Variants in BICD1 observed in about 807,000 individuals in gnomAD.
BICD1 encodes the protein BICD cargo adaptor 1, also known as protein bicaudal D homolog 1.
A neutral mutation model predicts 92.5 loss-of-function variants in BICD1; 35 were observed. That is an observed-to-expected ratio of 0.38 (90% CI 0.29 to 0.50). The LOEUF (loss-of-function observed/expected upper bound fraction) is 0.50, where lower values mean the gene tolerates loss of function less well. BICD1 is among the 20% of genes least tolerant of loss of function. The pLI is 0.93. For missense variants in BICD1, 950 were observed against 1,189.8 expected, an observed-to-expected ratio of 0.80 and a Z score of 2.97; for synonymous variants, 429 against 465.1, an observed-to-expected ratio of 0.92 and a Z score of 1.00.
At chr12:32,226,029 A>G (rs1945677932) in intron 2 of BICD1, among the ~76,000 whole-genome samples, 1 of 152,202 alleles carries the variant, frequency 6.6e-6, no homozygotes, top group South Asian at 2.1e-4. Flanking sequence ...ACATCTTTTC[A>G]TGTGCTTGTT....
At chr12:32,208,875 A>T (rs1363844862) in intron 1 of BICD1, among the ~76,000 whole-genome samples, 1 of 151,860 alleles carries the variant, frequency 6.6e-6, no homozygotes, top group Non-Finnish European at 1.5e-5. Context: ...CCCAGGCTGC[A>T]GTGCAGTGGT....
chr12:32,367,499 G>T (rs1939568007), intron 8 of BICD1, 171 bp from the exon 9 acceptor site: 6 of 517,310 alleles, frequency 1.2e-5, no homozygotes, highest in Admixed American at 3.4e-5. Flanking sequence ...AAAAAAGCCT[G>T]TCTTTTCTAT....
In BICD1 at chr12:32,305,992, C is replaced by G. The variant is rs746632766; in HGVS notation, c.875C>G (p.Pro292Arg). The change falls in exon 4 of 10, where the codon CCT becomes CGT. Residue 292 changes from proline (P) to arginine (R), a missense_variant. This residue lies in a region of BICD1 where 246 missense variants were observed against 258.4 expected (regional missense o/e 0.95). Transcript: ENST00000652176. Reference protein sequence around the residue: ...DDKMNGHIHGPLVKLNGDYRT... With the variant: ...DDKMNGHIHGRLVKLNGDYRT... The stretch of plus-strand genomic sequence containing the variant: ...AAAATGAACGGTCATATCCATGGGC[C>G]TCTTGTGAAACTGAATGGAGACTAT... The G allele has an allele frequency of 6.2e-7, 1 of 1,614,124 alleles. No homozygotes were observed. The highest frequency in any genetic ancestry group is 1.1e-5 in the South Asian group (1 of 91,080).
intron 1 of BICD1, among the ~76,000 whole-genome samples, chr12:32,212,080 C>T (rs925225850): frequency 4.6e-5 from 7 of 152,210 alleles, no homozygotes; most frequent in African/African-American, 1.4e-4. Context: ...GAATATTTTA[C>T]TCTGTATGTA....
intron 8 of BICD1, among the ~76,000 whole-genome samples, chr12:32,356,752 T>C (rs1045808738): frequency 6.6e-6 from 1 of 152,198 alleles, no homozygotes; most frequent in Non-Finnish European, 1.5e-5. Flanking sequence ...CATCTAAGTG[T>C]GTTAGTAACT....
In BICD1 at chr12:32,142,347, A is replaced by G. The variant is rs578161760; in HGVS notation, c.213+34803A>G. ...CTTGAACCTGGGAGGCAGAGGTTGC[A>G]GTGAGCTGAGATCGTGTCACCACAC... On this transcript the variant is annotated intron_variant, in intron 1 of 9. Transcript: ENST00000652176. Among the ~76,000 whole-genome samples the G allele has an allele frequency of 1.9e-4, 26 of 136,630 alleles. 2 individuals are homozygous for G. The South Asian group carries it at 6.5e-3, about 34-fold the overall frequency. The allele number at this position is 136,630 out of a possible 152,430, so 89.6% of individuals were successfully genotyped here.
chr12:32,363,443 T>G (rs1402213431), intron 8 of BICD1, among the ~76,000 whole-genome samples: 1 of 152,226 alleles, frequency 6.6e-6, no homozygotes, highest in Non-Finnish European at 1.5e-5. Flanking sequence ...GCCTGTGGCC[T>G]TATCATATAA....
chr12:32,188,051 A>G (rs905725653), intron 1 of BICD1, among the ~76,000 whole-genome samples: 4 of 151,376 alleles, frequency 2.6e-5, no homozygotes, highest in Non-Finnish European at 4.4e-5. Flanking sequence ...CAATTCTCCC[A>G]CCTCAGCCTC....
intron 2 of BICD1, among the ~76,000 whole-genome samples, chr12:32,265,224 G>C (rs546702164): frequency 6.6e-6 from 1 of 152,010 alleles, no homozygotes; most frequent in South Asian, 2.1e-4. Context: ...ACAAGGCCTC[G>C]TGTTCAGTCT....
At chr12:32,357,251 G>A (rs1394964207) in intron 8 of BICD1, among the ~76,000 whole-genome samples, 1 of 151,908 alleles carries the variant, frequency 6.6e-6, no homozygotes, top group Non-Finnish European at 1.5e-5. Context: ...GACCTCAGGT[G>A]GTCCACCCAC....
intron 1 of BICD1, among the ~76,000 whole-genome samples, chr12:32,171,582 C>G (rs1943939035): frequency 1.3e-5 from 2 of 152,160 alleles, no homozygotes; most frequent in African/African-American, 4.8e-5. Context: ...CCTGCTATGA[C>G]TGAGATGGCA....
At chr12:32,122,979 T>G (rs1033580095) in intron 1 of BICD1, among the ~76,000 whole-genome samples, 5 of 152,150 alleles carry the variant, frequency 3.3e-5, no homozygotes, top group African/African-American at 1.2e-4. Flanking sequence ...CAGATTTGGG[T>G]GTTGAAAATA....
intron 3 of BICD1, 125 bp from the exon 4 acceptor site, chr12:32,305,572 T>C: frequency 1.2e-6 from 1 of 800,304 alleles, no homozygotes; most frequent in Non-Finnish European, 1.9e-6. Context: ...GTGTGCTTTT[T>C]ATTATTTATT....
At chr12:32,218,827 A>G (rs1000394739) in intron 2 of BICD1, among the ~76,000 whole-genome samples, 5 of 152,346 alleles carry the variant, frequency 3.3e-5, no homozygotes, top group African/African-American at 1.2e-4. Flanking sequence ...TGATATTACT[A>G]TAACCCTGAG....
At chr12:32,128,753 T>G (rs1592343236) in intron 1 of BICD1, among the ~76,000 whole-genome samples, 1 of 77,132 alleles carries the variant, frequency 1.3e-5, no homozygotes, top group South Asian at 5.0e-4. Flanking sequence ...TACTTTAGAA[T>G]CTTTTAAAAC....
intron 8 of BICD1, among the ~76,000 whole-genome samples, chr12:32,362,120 G>T (rs182424695): frequency 1.3e-5 from 2 of 152,220 alleles, no homozygotes; most frequent in Non-Finnish European, 2.9e-5. Context: ...AGCACTTTGG[G>T]AGGCCGAGGC....
chr12:32,292,767 CTTTG>C (rs1947758338), intron 2 of BICD1, among the ~76,000 whole-genome samples: 1 of 152,186 alleles, frequency 6.6e-6, no homozygotes, highest in South Asian at 2.1e-4. Context: ...CCATATTTCT[CTTTG>C]TTTGAATAGG....
At chr12:32,237,123 G>A (rs1473038096) in intron 2 of BICD1, among the ~76,000 whole-genome samples, 7 of 151,896 alleles carry the variant, frequency 4.6e-5, no homozygotes, top group Non-Finnish European at 8.8e-5. Context: ...CTTGTGATCT[G>A]CCCGCCTCGG....
intron 3 of BICD1, among the ~76,000 whole-genome samples, chr12:32,305,128 A>C (rs1948177326): frequency 6.6e-6 from 1 of 152,220 alleles, no homozygotes; most frequent in Non-Finnish European, 1.5e-5. Flanking sequence ...CTTTAAGCAC[A>C]TAACAATGAT....
Sources: allele counts gnomAD v4.1 joint callset (sites outside exome capture counted in the v4.1 genomes callset), GRCh38; gene constraint gnomAD v4.1.1; regional missense constraint gnomAD v4.1.1; transcripts MANE v1.5; gene names NCBI Gene and HGNC (gene_info 2026-07-23, HGNC 2026-07-21).